Variants in CAMSAP1 observed in about 807,000 individuals in gnomAD.
CAMSAP1 encodes the protein calmodulin regulated spectrin associated protein 1.
CAMSAP1 carries 58 observed loss-of-function variants against 143.5 expected under a neutral mutation model. The ratio of observed to expected loss-of-function variants is 0.40; its 90% CI spans 0.33 to 0.50. The LOEUF is 0.50. CAMSAP1 is among the 20% of genes least tolerant of loss of function. The pLI is 0.45. For missense variants in CAMSAP1, 1,969 were observed against 2,115.7 expected (o/e 0.93, Z 1.36); for synonymous variants, 945 against 859.3 (o/e 1.10, Z -1.74).
chr9:135,903,633 C>T (rs1176742051), intron 1 of CAMSAP1, among the ~76,000 whole-genome samples: 1 of 152,236 alleles, frequency 6.6e-6, no homozygotes, highest in African/African-American at 2.4e-5. Flanking sequence ...GCTTTCAATG[C>T]TTTCAATCTT....
At chr9:135,854,694 T>TC (rs1413989696) in intron 5 of CAMSAP1, among the ~76,000 whole-genome samples, 7 of 151,996 alleles carry the variant, frequency 4.6e-5, no homozygotes, top group Non-Finnish European at 1.0e-4. Context: ...GCTCAAATGA[T>TC]CCCCCCGCCT....
chr9:135,869,553 G>A (rs1179039249), intron 3 of CAMSAP1, among the ~76,000 whole-genome samples: 1 of 151,838 alleles, frequency 6.6e-6, no homozygotes, highest in African/African-American at 2.4e-5. Context: ...TAGCAAGGAT[G>A]GGGAAAACTA....
chr9:135,812,403 G>T (rs1835082817), intron 16 of CAMSAP1, among the ~76,000 whole-genome samples: 1 of 152,140 alleles, frequency 6.6e-6, no homozygotes, highest in South Asian at 2.1e-4. Context: ...AGTGAAAGAA[G>T]CCTGACCCAA....
chr9:135,836,360 A>G (rs1265422948), intron 7 of CAMSAP1: 1 of 981,642 alleles, frequency 1.0e-6, no homozygotes, highest in African/African-American at 1.8e-5. Flanking sequence ...ACACATCACC[A>G]CATACCTTCT....
chr9:135,892,427 G>C (rs1838316386), intron 1 of CAMSAP1, among the ~76,000 whole-genome samples: 1 of 152,138 alleles, frequency 6.6e-6, no homozygotes, highest in African/African-American at 2.4e-5. Flanking sequence ...AAATAGGCTG[G>C]GTGTGGTGGC....
At chr9:135,895,444 A>G (rs1221869587) in intron 1 of CAMSAP1, among the ~76,000 whole-genome samples, 1 of 152,250 alleles carries the variant, frequency 6.6e-6, no homozygotes, top group Non-Finnish European at 1.5e-5. Flanking sequence ...TGCTGAAGGA[A>G]AAGAACTGTC....
At position 135,821,150 on chromosome 9, in the gene CAMSAP1, G is replaced by C; in HGVS notation, c.3511C>G (p.Leu1171Val). ...HGKCLFDSYRLHDESNQRTLT... is the reference protein window; with the variant it reads ...HGKCLFDSYRVHDESNQRTLT... ...GTCCGCTGATTGCTTTCATCATGGA[G>C]CCTGTAACTGTCGAAGAGACACTTC... The change falls in exon 11 of 17, where the codon CTC becomes GTC. Residue 1171 changes from leucine (L) to valine (V), a missense_variant. By Grantham distance (32) the Leu-to-Val change is conservative. Transcript: ENST00000389532. The surrounding 1 kb of genome is among the most constrained non-coding windows in gnomAD (Gnocchi z 4.6). 6.2e-7 allele frequency: 1 copy of C among 1,612,390 alleles called. No homozygotes were observed. The highest frequency in any genetic ancestry group is 1.1e-5 in the South Asian group (1 of 91,090).
At position 135,816,130 on chromosome 9, in the gene CAMSAP1, C is replaced by T. The variant is rs115517832; in HGVS notation, c.4272-125G>A. 4.1e-3 allele frequency: 3,250 copies of T among 786,540 alleles called. 77 individuals carry two copies. The African/African-American group carries it at 0.05, about 12-fold the overall frequency. 48.7% of individuals were successfully genotyped at this position (786,540 alleles called of 1,614,324 possible). On this transcript the variant is annotated intron_variant, in intron 14 of 16. Coordinates refer to ENST00000389532, the MANE Select transcript of CAMSAP1 (RefSeq NM_015447.4). ...CAGCAGGGGAGGAGGCTTTCGGTGA[C>T]GGTGGGGGCTCGAGTTGCCACAACT...
intron 7 of CAMSAP1, among the ~76,000 whole-genome samples, chr9:135,845,461 C>T (rs531471812): frequency 1.9e-4 from 29 of 152,296 alleles, no homozygotes; most frequent in Middle Eastern, 3.4e-3. Flanking sequence ...CGGTACAAGA[C>T]AAGGATGCCC....
Position 135,862,533 on chromosome 9 carries a change from C to T in CAMSAP1, c.742G>A (p.Gly248Ser), listed in dbSNP as rs777848822. 7 of 1,551,678 alleles carry T rather than the reference C, an allele frequency of 4.5e-6. No individual in the cohort carries two copies. Among genetic ancestry groups the T allele is most frequent in the South Asian group, 1.2e-5 (1 of 84,054 alleles). Residue 248 changes from glycine to serine, a missense_variant, in exon 5 of 17, where the codon GGC (glycine) becomes AGC (serine). Gly to Ser is a moderately conservative substitution (Grantham distance 56). Coordinates refer to ENST00000389532, the MANE Select transcript of CAMSAP1 (RefSeq NM_015447.4). ...GCTAAGAGAGCAGCACCATCACTGCCGTCTCTCATCAAATCCTCCAACAAC... is the reference window on the plus strand; with the variant it reads ...GCTAAGAGAGCAGCACCATCACTGCTGTCTCTCATCAAATCCTCCAACAAC... ...FPLLEDLMRD[G>S]SDGAALLAVI...
At position 135,817,996 on chromosome 9, in the gene CAMSAP1, C is replaced by T; in HGVS notation, c.4252G>A (p.Gly1418Arg). 1 of 1,613,906 alleles carries T rather than the reference C, an allele frequency of 6.2e-7. No individual in the cohort carries two copies. Among genetic ancestry groups the T allele is most frequent in the Non-Finnish European group, 8.5e-7 (1 of 1,179,882 alleles). Residue 1418 changes from glycine to arginine, a missense_variant, in exon 14 of 17, where the codon GGG becomes AGG. Physicochemically the swap from Gly to Arg is moderately radical, Grantham distance 125 (BLOSUM62 -2). Transcript: ENST00000389532. ...CCTTACCGCTGAGAGGGTGTGCCCC[C>T]GGAATGAACGCTCTCGGGTTCTGTC... The part of the protein sequence containing the change: ...ATTEPESVHS[G>R]GTPSQRVESM...
chr9:135,821,455 A>G lies in CAMSAP1; in HGVS notation c.3206T>C (p.Val1069Ala), dbSNP rs540501156. The change falls in exon 11 of 17, where the codon GTG (valine) becomes GCG (alanine). Residue 1069 changes from valine (V) to alanine (A), a missense_variant. By Grantham distance (64) the Val-to-Ala change is moderately conservative (BLOSUM62 0). This residue lies in a region of CAMSAP1 where 1,390 missense variants were observed against 1,420.8 expected (regional missense o/e 0.98). Coordinates refer to ENST00000389532, the MANE Select transcript of CAMSAP1 (RefSeq NM_015447.4). This position sits in a 1 kb window ranked among gnomAD's most constrained non-coding sequence, Gnocchi z 4.6. ...CTCCACGAAGTGGACTGGTGCCTTC[A>G]CTTTGTGGTCCTGCGAGTTATTCTT... The part of the protein sequence containing the change: ...GSKNNSQDHK[V>A]KAPVHFVEPL... 53 of 1,613,964 alleles carry G rather than the reference A, an allele frequency of 3.3e-5. 1 individual carries two copies. In the East Asian group the frequency reaches 1.0e-3, roughly 32 times the overall value.
intron 1 of CAMSAP1, among the ~76,000 whole-genome samples, chr9:135,897,532 G>C (rs1396063629): frequency 2.0e-5 from 3 of 152,178 alleles, no homozygotes; most frequent in African/African-American, 7.2e-5. Flanking sequence ...ATGAGATGAA[G>C]TGAGTTGAAT....
chr9:135,894,361 G>A (rs1287904231), intron 1 of CAMSAP1, among the ~76,000 whole-genome samples: 2 of 152,214 alleles, frequency 1.3e-5, no homozygotes, highest in Admixed American at 1.3e-4. Flanking sequence ...TCCGAGGGGA[G>A]GGGCGGACAC....
At chr9:135,866,354 T>TA (rs781351701) in intron 4 of CAMSAP1, 102 bp downstream of exon 4, 1 of 677,658 alleles carries the variant, frequency 1.5e-6, no homozygotes, top group African/African-American at 1.8e-5. Flanking sequence ...CTTTGGTGAG[T>TA]AAAAATAGAG....
chr9:135,853,507 A>G (rs1588475236), intron 5 of CAMSAP1, among the ~76,000 whole-genome samples: 1 of 152,236 alleles, frequency 6.6e-6, no homozygotes, highest in Non-Finnish European at 1.5e-5. Context: ...ACTGGCGACA[A>G]GTTTTCAGAA....
At chr9:135,906,164 C>T (rs919100487) in intron 1 of CAMSAP1, among the ~76,000 whole-genome samples, 2 of 152,244 alleles carry the variant, frequency 1.3e-5, no homozygotes, top group Non-Finnish European at 2.9e-5. Context: ...CAGCGTTTTC[C>T]AAACTGGTCA....
At chr9:135,836,378 T>C in intron 7 of CAMSAP1, 1 of 983,418 alleles carries the variant, frequency 1.0e-6, no homozygotes, top group Non-Finnish European at 1.2e-6. Flanking sequence ...TCTACCCTGT[T>C]CTACAGACAC....
At chr9:135,900,955 T>C (rs1421063525) in intron 1 of CAMSAP1, among the ~76,000 whole-genome samples, 1 of 152,024 alleles carries the variant, frequency 6.6e-6, no homozygotes, top group African/African-American at 2.4e-5. Context: ...GGTTTCACCA[T>C]GTTGGCCGGG....
Sources: allele counts gnomAD v4.1 joint callset (sites outside exome capture counted in the v4.1 genomes callset), GRCh38; gene constraint gnomAD v4.1.1; regional missense constraint gnomAD v4.1.1; non-coding constraint Gnocchi (gnomAD v3.1); transcripts MANE v1.5; gene names NCBI Gene and HGNC (gene_info 2026-07-23, HGNC 2026-07-21).